Variants in MCTP1 observed in about 807,000 individuals in gnomAD.
MCTP1 encodes multiple C2 and transmembrane domain-containing protein 1.
In MCTP1, 69 loss-of-function variants were observed where a neutral mutation model predicts 120.6. That is an observed-to-expected ratio of 0.57 (90% CI 0.47 to 0.70). MCTP1 has a LOEUF of 0.70. MCTP1 is among the 30% of genes least tolerant of loss of function. The pLI is 0.00. For missense variants in MCTP1, 1,203 were observed against 1,248.8 expected, an observed-to-expected ratio of 0.96 and a Z score of 0.55; for synonymous variants, 529 against 493.1, an observed-to-expected ratio of 1.07 and a Z score of -0.96.
At position 95,143,660 on chromosome 5, in the gene MCTP1, G is replaced by A. The variant is rs1760125517; in HGVS notation, c.721-126176C>T. 3.3e-5 allele frequency among the ~76,000 whole-genome samples: 5 copies of A among 152,104 alleles called. No homozygotes were observed. In the South Asian group the frequency reaches 1.0e-3, roughly 32 times the overall value. On this transcript the variant is annotated intron_variant, in intron 1 of 22. Coordinates refer to ENST00000515393, the MANE Select transcript of MCTP1 (RefSeq NM_024717.7). ...TTACATGTGAGTACATGCGGCATTT[G>A]GTTTTCTGTTCCTGCATTAATTCAC...
At chr5:94,997,007 C>T (rs1832751104) in intron 2 of MCTP1, among the ~76,000 whole-genome samples, 1 of 152,114 alleles carries the variant, frequency 6.6e-6, no homozygotes, top group Non-Finnish European at 1.5e-5. Context: ...CTATCTATGG[C>T]TAAGATAAGA....
Position 94,819,503 on chromosome 5 carries a change from A to G in MCTP1, c.2437-20371T>C, listed in dbSNP as rs571998869. On this transcript the variant is annotated intron_variant, in intron 17 of 22. Coordinates refer to ENST00000515393, the MANE Select transcript of MCTP1 (RefSeq NM_024717.7). Reference sequence around the variant, plus strand: ...CACTCTTCAGCGTACAGTTTTTCAGAAAGGTTGAGATAAACACAATATTCA... The same window carrying G: ...CACTCTTCAGCGTACAGTTTTTCAGGAAGGTTGAGATAAACACAATATTCA... Among the ~76,000 whole-genome samples the G allele has an allele frequency of 5.9e-5, 9 of 152,230 alleles. No homozygotes were observed. The East Asian group carries it at 1.7e-3, about 29-fold the overall frequency.
At chr5:95,236,033 C>T (rs1297693974) in intron 1 of MCTP1, among the ~76,000 whole-genome samples, 1 of 152,138 alleles carries the variant, frequency 6.6e-6, no homozygotes, top group Non-Finnish European at 1.5e-5. Flanking sequence ...TTAACAAGCT[C>T]CCAATTAATT....
chr5:94,999,516 T>G (rs1233464699), intron 2 of MCTP1, among the ~76,000 whole-genome samples: 1 of 152,216 alleles, frequency 6.6e-6, no homozygotes, highest in Non-Finnish European at 1.5e-5. Flanking sequence ...GTCTATTAAC[T>G]GCTGAGAACA....
intron 1 of MCTP1, among the ~76,000 whole-genome samples, chr5:95,131,767 C>G (rs915109619): frequency 3.3e-5 from 5 of 152,060 alleles, no homozygotes; most frequent in Admixed American, 6.5e-5. Flanking sequence ...TAGAACTGTT[C>G]CCAGAGTAGT....
At chr5:95,207,674 G>C (rs1044589743) in intron 1 of MCTP1, among the ~76,000 whole-genome samples, 1 of 152,008 alleles carries the variant, frequency 6.6e-6, no homozygotes, top group Non-Finnish European at 1.5e-5. Context: ...AAATACAAAG[G>C]CTACAGACTA....
chr5:95,216,116 T>C (rs146694624), intron 1 of MCTP1, among the ~76,000 whole-genome samples: 3 of 152,382 alleles, frequency 2.0e-5, no homozygotes, highest in African/African-American at 7.2e-5. Context: ...TTGGCATTTG[T>C]TATATCCATT....
chr5:94,847,682 G>GTGTGTGTGTATATATA (rs1169588105), intron 17 of MCTP1, among the ~76,000 whole-genome samples: 2 of 102,406 alleles, frequency 2.0e-5, no homozygotes, highest in Admixed American at 1.9e-4. Context: ...GTGTGTGTGT[G>GTGTGTGTGTATATATA]TATATATATA....
At chr5:95,212,609 C>G (rs1158764006) in intron 1 of MCTP1, among the ~76,000 whole-genome samples, 1 of 151,852 alleles carries the variant, frequency 6.6e-6, no homozygotes, top group Non-Finnish European at 1.5e-5. Context: ...ATGCAAAAAT[C>G]CTCAATAAAA....
intron 1 of MCTP1, among the ~76,000 whole-genome samples, chr5:95,275,384 C>T (rs1188122892): frequency 6.6e-6 from 1 of 152,198 alleles, no homozygotes; most frequent in Non-Finnish European, 1.5e-5. Context: ...TGAGAAGCAG[C>T]TGCTCCTTCC....
At chr5:94,761,328 TTGAGGGAGA>T (rs1234291615) in intron 19 of MCTP1, among the ~76,000 whole-genome samples, 1 of 152,174 alleles carries the variant, frequency 6.6e-6, no homozygotes, top group Non-Finnish European at 1.5e-5. Flanking sequence ...CCAGCTAGCT[TTGAGGGAGA>T]GCTTAGCTAG....
chr5:95,005,860 A>G (rs1335427655), intron 2 of MCTP1, among the ~76,000 whole-genome samples: 2 of 152,144 alleles, frequency 1.3e-5, no homozygotes, highest in African/African-American at 4.8e-5. Flanking sequence ...AGATTAATAA[A>G]ACAAGTAAGA....
intron 1 of MCTP1, among the ~76,000 whole-genome samples, chr5:95,198,596 T>A (rs1369363948): frequency 6.6e-6 from 1 of 152,186 alleles, no homozygotes; most frequent in Non-Finnish European, 1.5e-5. Context: ...TCAGGATTTA[T>A]CAGGTCGGAA....
chr5:95,172,377 C>T lies in MCTP1; in HGVS notation c.720+111479G>A, dbSNP rs188868620. ...TCAGGGACCCACTTGAGGAGGCAGT[C>T]TGTCCGTTCTCAGATCTCAAACTCT... On this transcript the variant is annotated intron_variant, in intron 1 of 22. Coordinates refer to ENST00000515393, the MANE Select transcript of MCTP1 (RefSeq NM_024717.7). Among the ~76,000 whole-genome samples, 653 of 152,318 alleles carry T rather than the reference C, an allele frequency of 4.3e-3. 5 individuals are homozygous for T. Among genetic ancestry groups the T allele is most frequent in the African/African-American group, 0.015 (612 of 41,558 alleles).
intron 1 of MCTP1, among the ~76,000 whole-genome samples, chr5:95,128,469 CAAGGGAATATTAT>C (rs1400218382): frequency 6.6e-6 from 1 of 152,142 alleles, no homozygotes; most frequent in African/African-American, 2.4e-5. Flanking sequence ...TATACATGTA[CAAGGGAATATTAT>C]TTAGTCTTAA....
intron 17 of MCTP1, among the ~76,000 whole-genome samples, chr5:94,853,438 T>C (rs1036706372): frequency 6.6e-6 from 1 of 151,974 alleles, no homozygotes; most frequent in African/African-American, 2.4e-5. Flanking sequence ...TGATGTTTCA[T>C]TATGCAGACA....
chr5:95,074,138 A>G (rs1025080593), intron 1 of MCTP1, among the ~76,000 whole-genome samples: 2 of 152,194 alleles, frequency 1.3e-5, no homozygotes, highest in African/African-American at 4.8e-5. Flanking sequence ...AAAAAAAATT[A>G]CACTCTTGGG....
chr5:94,920,608 G>A (rs1422689806), intron 7 of MCTP1, among the ~76,000 whole-genome samples: 2 of 152,034 alleles, frequency 1.3e-5, no homozygotes, highest in Non-Finnish European at 2.9e-5. Flanking sequence ...CAGGCTTGGT[G>A]GCGGGCGCTT....
intron 19 of MCTP1, among the ~76,000 whole-genome samples, chr5:94,751,962 G>T (rs1768450941): frequency 6.8e-6 from 1 of 146,506 alleles, no homozygotes; most frequent in African/African-American, 2.5e-5. Flanking sequence ...CTGTTGTGGG[G>T]TGCAGGGAGG....
Sources: allele counts gnomAD v4.1 joint callset (sites outside exome capture counted in the v4.1 genomes callset), GRCh38; gene constraint gnomAD v4.1.1; transcripts MANE v1.5; gene names NCBI Gene and HGNC (gene_info 2026-07-23, HGNC 2026-07-21).